Variants in CREBL2 observed in about 807,000 individuals in gnomAD.
CREBL2 encodes cAMP-responsive element-binding protein-like 2.
A neutral mutation model predicts 19.5 loss-of-function variants in CREBL2; 4 were observed. The observed-to-expected ratio is 0.20, with a 90% CI of 0.10 to 0.47. The LOEUF (loss-of-function observed/expected upper bound fraction) is 0.47. Among genes scored for constraint, CREBL2 ranks in the 20% least tolerant of loss-of-function variants. The pLI is 0.98. For missense variants in CREBL2, 85 were observed against 145.1 expected, an observed-to-expected ratio of 0.59 and a Z score of 2.13; for synonymous variants, 42 against 46.6, an observed-to-expected ratio of 0.90 and a Z score of 0.40.
chr12:12,628,614 A>T (rs755640595), intron 1 of CREBL2, among the ~76,000 whole-genome samples: 1 of 151,674 alleles, frequency 6.6e-6, no homozygotes, highest in African/African-American at 2.4e-5. Context: ...CCTTTGTTCT[A>T]TTTTTTTTAA....
chr12:12,629,070 G>A lies in CREBL2; in HGVS notation c.16-6707G>A, dbSNP rs528168829. Among the ~76,000 whole-genome samples, 22 of 152,182 alleles carry A rather than the reference G, an allele frequency of 1.4e-4. No individual in the cohort carries two copies. In the South Asian group the frequency reaches 3.5e-3, roughly 24 times the overall value. Reference sequence around the variant, plus strand: ...AGAAAGTGTGAGCCCTCCAATTTGCGTCTTTTTCAAGATTGTTTTGGTTAT... The same window carrying A: ...AGAAAGTGTGAGCCCTCCAATTTGCATCTTTTTCAAGATTGTTTTGGTTAT... On this transcript the variant is annotated intron_variant, in intron 1 of 3. Transcript: ENST00000228865.
intron 1 of CREBL2, among the ~76,000 whole-genome samples, chr12:12,633,654 C>A (rs1175308799): frequency 2.0e-5 from 1 of 51,008 alleles, no homozygotes; most frequent in African/African-American, 4.3e-5. Context: ...GGTTGGCCAT[C>A]ATGATGTGAC....
chr12:12,639,724 G>A (rs1006320664), intron 3 of CREBL2, among the ~76,000 whole-genome samples: 12 of 152,056 alleles, frequency 7.9e-5, no homozygotes, highest in South Asian at 4.2e-4. Context: ...CATAAATGTC[G>A]GCCAACTGAG....
chr12:12,633,190 G>C (rs1239114709), intron 1 of CREBL2, among the ~76,000 whole-genome samples: 1 of 152,106 alleles, frequency 6.6e-6, no homozygotes, highest in African/African-American at 2.4e-5. Flanking sequence ...ACCTGCCTCA[G>C]CCTCCCAAAG....
intron 3 of CREBL2, among the ~76,000 whole-genome samples, chr12:12,640,430 CT>C (rs1199113672): frequency 2.6e-5 from 4 of 152,146 alleles, no homozygotes; most frequent in African/African-American, 9.7e-5. Flanking sequence ...GCAGTCAGAT[CT>C]TATGGTTTTC....
intron 1 of CREBL2, among the ~76,000 whole-genome samples, chr12:12,621,116 C>T (rs1592238278): frequency 1.3e-5 from 2 of 152,332 alleles, no homozygotes; most frequent in African/African-American, 4.8e-5. Context: ...AAGGGCCATG[C>T]ACACCATATG....
At chr12:12,613,728 TAC>T (rs1177869481) in intron 1 of CREBL2, among the ~76,000 whole-genome samples, 1 of 152,200 alleles carries the variant, frequency 6.6e-6, no homozygotes, top group Non-Finnish European at 1.5e-5. Flanking sequence ...ATATGCTCAG[TAC>T]ACACATTAAT....
chr12:12,623,117 T>G (rs1035945606), intron 1 of CREBL2, among the ~76,000 whole-genome samples: 1 of 92,486 alleles, frequency 1.1e-5, no homozygotes, highest in Non-Finnish European at 2.6e-5. Flanking sequence ...TTTTTTTTTT[T>G]GTAACAACTT....
intron 3 of CREBL2, among the ~76,000 whole-genome samples, chr12:12,641,429 T>C (rs1945521288): frequency 1.3e-5 from 2 of 151,490 alleles, no homozygotes; most frequent in Admixed American, 1.3e-4. Flanking sequence ...TGCCTCAGCC[T>C]CCCAAGTAGC....
chr12:12,641,290 G>A (rs1241885695), intron 3 of CREBL2, among the ~76,000 whole-genome samples: 2 of 112,388 alleles, frequency 1.8e-5, no homozygotes, highest in Non-Finnish European at 3.6e-5. Flanking sequence ...GTCAACCTCT[G>A]GGAGCACAGA....
At chr12:12,640,097 T>TA (rs1319185712) in intron 3 of CREBL2, among the ~76,000 whole-genome samples, 3 of 152,160 alleles carry the variant, frequency 2.0e-5, no homozygotes, top group East Asian at 1.9e-4. Flanking sequence ...ATAAACATCT[T>TA]AAACAACAGA....
intron 1 of CREBL2, among the ~76,000 whole-genome samples, chr12:12,624,834 C>T (rs529368437): frequency 2.0e-5 from 3 of 152,288 alleles, no homozygotes; most frequent in African/African-American, 2.4e-5. Context: ...TCTTATCCAG[C>T]GTCCAGGTAA....
At chr12:12,641,254 T>TTATTATTA (rs1379727723) in intron 3 of CREBL2, among the ~76,000 whole-genome samples, 9 of 68,680 alleles carry the variant, frequency 1.3e-4, no homozygotes, top group East Asian at 4.2e-4. Flanking sequence ...ATTATTATTA[T>TTATTATTA]TTTTTTTTAT....
At chr12:12,618,233 A>G (rs531620178) in intron 1 of CREBL2, among the ~76,000 whole-genome samples, 15 of 151,774 alleles carry the variant, frequency 9.9e-5, no homozygotes, top group African/African-American at 3.1e-4. Flanking sequence ...CACTTCCCAG[A>G]CGGGGCGGCT....
intron 1 of CREBL2, among the ~76,000 whole-genome samples, chr12:12,613,048 T>A (rs1175983454): frequency 6.6e-6 from 1 of 152,142 alleles, no homozygotes; most frequent in African/African-American, 2.4e-5. Flanking sequence ...ATTTTGTATT[T>A]TTGGTAGAGA....
At chr12:12,623,998 T>G (rs548485530) in intron 1 of CREBL2, among the ~76,000 whole-genome samples, 1 of 152,264 alleles carries the variant, frequency 6.6e-6, no homozygotes, top group East Asian at 1.9e-4. Context: ...AATGGATTCT[T>G]CCCCATGACC....
At chr12:12,624,270 A>G (rs960023992) in intron 1 of CREBL2, among the ~76,000 whole-genome samples, 3 of 152,212 alleles carry the variant, frequency 2.0e-5, no homozygotes, top group African/African-American at 7.2e-5. Flanking sequence ...CAGGGAAGAA[A>G]AACACCCTAA....
At chr12:12,616,343 A>G (rs1945311400) in intron 1 of CREBL2, among the ~76,000 whole-genome samples, 1 of 152,232 alleles carries the variant, frequency 6.6e-6, no homozygotes, top group Admixed American at 6.5e-5. Context: ...GAGTGAAGTT[A>G]AAATTTGAGG....
intron 1 of CREBL2, among the ~76,000 whole-genome samples, chr12:12,630,120 A>C (rs1566111254): frequency 2.0e-5 from 3 of 152,120 alleles, no homozygotes; most frequent in African/African-American, 7.2e-5. Context: ...TCGTGGAGTA[A>C]GTTGAAATAA....
Sources: allele counts gnomAD v4.1 joint callset (sites outside exome capture counted in the v4.1 genomes callset), GRCh38; gene constraint gnomAD v4.1.1; transcripts MANE v1.5; gene names NCBI Gene and HGNC (gene_info 2026-07-23, HGNC 2026-07-21).